Variants in STS observed in about 807,000 individuals in gnomAD.
The protein encoded by STS is steroid sulfatase, also known as steryl-sulfatase.
STS carries 7 observed loss-of-function variants against 26.8 expected under a neutral mutation model. The observed-to-expected ratio is 0.26, with a 90% confidence interval of 0.15 to 0.49. The LOEUF (loss-of-function observed/expected upper bound fraction) is 0.49, where lower values mean the gene tolerates loss of function less well. STS is among the 20% of genes least tolerant of loss of function. The pLI, the probability that STS is intolerant of heterozygous loss-of-function variation, is 0.98. For synonymous variants in STS, 199 were observed against 189.4 expected (o/e 1.05, Z -0.42); for missense variants, 434 against 465.6 (o/e 0.93, Z 0.63).
chrX:7,304,932 T>C (rs1926140969), intron 7 of STS, 114 bp from the exon 8 acceptor site: 5 of 901,479 alleles, frequency 5.5e-6, no homozygotes, highest in Admixed American at 2.3e-5. Context: ...AACTCCAATA[T>C]GTAAGAACGT....
intron 1 of STS, among the ~76,000 whole-genome samples, chrX:7,165,421 G>A (rs1344805255): frequency 9.0e-6 from 1 of 110,946 alleles, no homozygotes; most frequent in Middle Eastern, 4.2e-3. Context: ...GGCCAAGGAG[G>A]GCGAGGAGAT....
At chrX:7,153,473 TTCTC>T (rs1933064253) in intron 1 of STS, among the ~76,000 whole-genome samples, 1 of 92,371 alleles carries the variant, frequency 1.1e-5, no homozygotes, top group South Asian at 6.6e-4. Flanking sequence ...TTCCTCCTCC[TTCTC>T]TCTTTCTGTT....
At position 7,291,004 on chromosome X, in the gene STS, G is replaced by A. The variant is rs1379378246; in HGVS notation, c.944-14042G>A. The stretch of plus-strand genomic sequence containing the variant: ...TATTTTGCTTTTTGGTAGGAAAGGG[G>A]AGCAAATGGCCATAGCTCTCTTAGG... On this transcript the variant is annotated intron_variant, in intron 7 of 10. Coordinates refer to ENST00000674429, the MANE Select transcript of STS (RefSeq NM_001320752.2). Among the ~76,000 whole-genome samples, 4 of 111,539 alleles carry A rather than the reference G, an allele frequency of 3.6e-5. 1 individual carries two copies. The South Asian group carries it at 1.1e-3, about 32-fold the overall frequency.
At chrX:7,211,820 T>G (rs1277642222) in intron 2 of STS, among the ~76,000 whole-genome samples, 1 of 111,851 alleles carries the variant, frequency 8.9e-6, no homozygotes, top group African/African-American at 3.3e-5. Flanking sequence ...CTATCTTTCT[T>G]TATTTTTTAA....
rs186726180 is a variant in STS at position 7,198,671 on chromosome X, T to A, written c.-5+7663T>A. On this transcript the variant is annotated intron_variant, in intron 2 of 10. Coordinates refer to ENST00000674429, the MANE Select transcript of STS (RefSeq NM_001320752.2). ...TGTGTTCAGGAATGAACGAGGGCAG[T>A]CTGCAGGTTAAAGGCAAGATGTAGT... Among the ~76,000 whole-genome samples the A allele has an allele frequency of 5.0e-4, 56 of 112,678 alleles. 2 individuals carry two copies. In the Admixed American group the frequency reaches 5.1e-3, roughly 10 times the overall value.
chrX:7,150,511 G>A (rs759838851), intron 1 of STS, among the ~76,000 whole-genome samples: 32 of 111,210 alleles, frequency 2.9e-4, no homozygotes, highest in African/African-American at 9.5e-4. Flanking sequence ...GTGAGCCACC[G>A]CCCCCGGCCA....
intron 6 of STS, among the ~76,000 whole-genome samples, chrX:7,269,516 T>C (rs1393445639): frequency 9.1e-6 from 1 of 109,673 alleles, no homozygotes; most frequent in Non-Finnish European, 1.9e-5. Flanking sequence ...CTGAATTCAT[T>C]CTCTGCAGCA....
Position 7,256,196 on chromosome X carries a change from G to A in STS, c.138-1046G>A, listed in dbSNP as rs1222574692. Among the ~76,000 whole-genome samples the A allele has an allele frequency of 3.6e-5, 4 of 111,836 alleles. No homozygotes were observed. The East Asian group carries it at 8.4e-4, about 24-fold the overall frequency. ...GGTGAAGGACGTGGATATATCTTGT[G>A]GGGTATAACTTGGTATGGTCCAAAA... is the stretch of plus-strand genomic sequence containing the variant. On this transcript the variant is annotated intron_variant, in intron 3 of 10. Coordinates refer to ENST00000674429, the MANE Select transcript of STS (RefSeq NM_001320752.2).
chrX:7,287,542 C>T (rs1037715180), intron 7 of STS, among the ~76,000 whole-genome samples: 6 of 111,046 alleles, frequency 5.4e-5, no homozygotes, highest in Admixed American at 9.6e-5. Flanking sequence ...TTTTTCTTTT[C>T]GCTCAACTAT....
At chrX:7,150,561 AT>A (rs1434509085) in intron 1 of STS, among the ~76,000 whole-genome samples, 1 of 112,290 alleles carries the variant, frequency 8.9e-6, no homozygotes, top group Non-Finnish European at 1.9e-5. Context: ...CCCCAATGCC[AT>A]TTTGACGAAA....
intron 6 of STS, among the ~76,000 whole-genome samples, chrX:7,263,155 C>T (rs1256217796): frequency 9.0e-6 from 1 of 111,117 alleles, no homozygotes; most frequent in Non-Finnish European, 1.9e-5. Flanking sequence ...TGCAATCTCC[C>T]CCTCCCGGGT....
At chrX:7,186,586 G>C (rs1250686531) in intron 1 of STS, among the ~76,000 whole-genome samples, 1 of 111,526 alleles carries the variant, frequency 9.0e-6, no homozygotes, top group African/African-American at 3.3e-5. Flanking sequence ...TTGATTGGGC[G>C]AACATCTGGT....
chrX:7,158,635 T>C lies in STS; in HGVS notation c.-134+10552T>C, dbSNP rs559500837. ...CAGGGGGAATGAGGGAGGATGACAA[T>C]TGAGAAAGCCAGAAGCTTCCCCGTG... On this transcript the variant is annotated intron_variant, in intron 1 of 10. Coordinates refer to ENST00000674429, the MANE Select transcript of STS (RefSeq NM_001320752.2). Among the ~76,000 whole-genome samples the C allele has an allele frequency of 3.5e-4, 39 of 111,594 alleles. No homozygotes were observed. The South Asian group carries it at 0.014, about 40-fold the overall frequency.
At chrX:7,219,742 T>G in intron 2 of STS, 1 of 1,168,224 alleles carries the variant, frequency 8.6e-7, no homozygotes, top group Non-Finnish European at 1.2e-6. Flanking sequence ...AACATACTAG[T>G]TGGGATGTTC....
At chrX:7,324,959 G>A (rs1466286452) in intron 8 of STS, among the ~76,000 whole-genome samples, 1 of 111,372 alleles carries the variant, frequency 9.0e-6, no homozygotes. Flanking sequence ...GAATTTGGAT[G>A]CGGACACTTG....
chrX:7,206,281 T>G (rs1934231457), intron 2 of STS, among the ~76,000 whole-genome samples: 1 of 112,362 alleles, frequency 8.9e-6, no homozygotes, highest in Non-Finnish European at 1.9e-5. Context: ...TTTTCATGTC[T>G]TTTCTCTCCT....
At chrX:7,231,452 CT>C (rs1327915980) in intron 2 of STS, among the ~76,000 whole-genome samples, 2 of 111,715 alleles carry the variant, frequency 1.8e-5, no homozygotes, top group Non-Finnish European at 3.8e-5. Flanking sequence ...GTCCCTTTGG[CT>C]TTCCACGTCT....
intron 2 of STS, among the ~76,000 whole-genome samples, chrX:7,215,744 C>T (rs1410697234): frequency 9.0e-6 from 1 of 111,404 alleles, no homozygotes; most frequent in Non-Finnish European, 1.9e-5. Context: ...CAGGGTTGCC[C>T]AGGATTGCAC....
intron 2 of STS, among the ~76,000 whole-genome samples, chrX:7,204,100 A>G (rs1346370339): frequency 2.7e-5 from 3 of 111,771 alleles, no homozygotes; most frequent in African/African-American, 9.8e-5. Flanking sequence ...TGTTTTTCAC[A>G]TTTGTGCTGA....
Sources: allele counts gnomAD v4.1 joint callset (sites outside exome capture counted in the v4.1 genomes callset), GRCh38; gene constraint gnomAD v4.1.1; transcripts MANE v1.5; gene names NCBI Gene and HGNC (gene_info 2026-07-23, HGNC 2026-07-21).